SOCS5: variants seen among roughly 807,000 people sequenced by gnomAD.
SOCS5 encodes suppressor of cytokine signaling 5.
SOCS5 carries 32 observed loss-of-function variants against 42.8 expected under a neutral mutation model. That is an observed-to-expected ratio of 0.75 (90% CI 0.56 to 1.01). The LOEUF is 1.01. Ranked by LOEUF, SOCS5 falls within the 50% of genes least tolerant of loss-of-function variation. The pLI is 0.00. For synonymous variants in SOCS5, 283 were observed against 229.6 expected (o/e 1.23, Z -2.10); for missense variants, 627 against 653.0 (o/e 0.96, Z 0.43).
chr2:46,761,932 T>C lies in SOCS5; in HGVS notation c.*1791T>C, dbSNP rs557452740. On this transcript the variant is annotated 3_prime_UTR_variant, in exon 2 of 2. Transcript: ENST00000394861. ...GAAAGATTGAAACTATCCAATGACA[T>C]ATTATAGTAAATGAGTATCTGTAAC... 1.8e-5 allele frequency: 3 copies of C among 167,150 alleles called. No individual in the cohort carries two copies. Among genetic ancestry groups the C allele is most frequent in the South Asian group, 4.1e-4 (2 of 4,826 alleles). 10.4% of individuals were successfully genotyped at this position (167,150 alleles called of 1,614,324 possible).
At chr2:46,711,384 A>T (rs1402169778) in intron 1 of SOCS5, among the ~76,000 whole-genome samples, 1 of 152,174 alleles carries the variant, frequency 6.6e-6, no homozygotes, top group African/African-American at 2.4e-5. Context: ...TATCGATGTC[A>T]TGCATTTTGT....
rs146420722 is a variant in SOCS5, at chr2:46,741,154, T to A, written c.-12-17365T>A. ...TCATCTTTAAAAAGTTTTTAAAATATTTCATTATTCATTTCTTCTGCATTT... is the reference window on the plus strand; with the variant it reads ...TCATCTTTAAAAAGTTTTTAAAATAATTCATTATTCATTTCTTCTGCATTT... On this transcript the variant is annotated intron_variant, in intron 1 of 1. Transcript: ENST00000394861. Among the ~76,000 whole-genome samples, 406 of 152,328 alleles carry A rather than the reference T, an allele frequency of 2.7e-3. 4 individuals carry two copies. The highest frequency in any genetic ancestry group is 9.4e-3 in the African/African-American group (389 of 41,564).
At chr2:46,715,897 T>A (rs1322879797) in intron 1 of SOCS5, among the ~76,000 whole-genome samples, 1 of 152,156 alleles carries the variant, frequency 6.6e-6, no homozygotes, top group Non-Finnish European at 1.5e-5. Flanking sequence ...GTCTTTCTCC[T>A]ACAGACTCTA....
At chr2:46,734,228 T>A (rs11889273) in intron 1 of SOCS5, among the ~76,000 whole-genome samples, 17,434 of 152,164 alleles carry the variant, frequency 0.11, 1,110 homozygotes, top group Non-Finnish European at 0.14. Flanking sequence ...TACAAAAATA[T>A]TATACAGTCA....
At chr2:46,738,768 A>C (rs890432893) in intron 1 of SOCS5, among the ~76,000 whole-genome samples, 5 of 152,186 alleles carry the variant, frequency 3.3e-5, no homozygotes, top group African/African-American at 1.2e-4. Flanking sequence ...TTTTTTTCCC[A>C]TTAGCATCAT....
At chr2:46,705,349 G>T (rs577969732) in intron 1 of SOCS5, among the ~76,000 whole-genome samples, 1 of 152,176 alleles carries the variant, frequency 6.6e-6, no homozygotes, top group Non-Finnish European at 1.5e-5. Flanking sequence ...CTGTCTCTAG[G>T]TGTAGCTGGT....
At chr2:46,708,004 A>C (rs1006196479) in intron 1 of SOCS5, among the ~76,000 whole-genome samples, 3 of 152,244 alleles carry the variant, frequency 2.0e-5, no homozygotes, top group Non-Finnish European at 4.4e-5. Context: ...TACTGTACTG[A>C]AAATGAAAAA....
chr2:46,740,375 A>G (rs1294274160), intron 1 of SOCS5, among the ~76,000 whole-genome samples: 1 of 152,214 alleles, frequency 6.6e-6, no homozygotes, highest in Non-Finnish European at 1.5e-5. Flanking sequence ...GGTTAAAGAA[A>G]TACAGCTTTT....
Position 46,759,425 on chromosome 2 carries a change from C to T in SOCS5, c.895C>T (p.Leu299=), listed in dbSNP as rs754726731. 6 of 1,613,966 alleles carry T rather than the reference C, an allele frequency of 3.7e-6. No homozygotes were observed. The highest frequency in any genetic ancestry group is 5.1e-6 in the Non-Finnish European group (6 of 1,179,856). ...TGCACAGGTTAATCCATTATATAAA[C>T]TGGGACCAAAATTAGCTCCTGGAAT... is the stretch of plus-strand genomic sequence containing the variant. The part of the protein sequence containing the change: ...ATAQVNPLYK[L]GPKLAPGMTE... The change falls in exon 2 of 2, where the codon CTG becomes TTG. Residue 299 remains leucine, a synonymous_variant. Transcript: ENST00000394861.
At chr2:46,756,570 T>G (rs983860631) in intron 1 of SOCS5, among the ~76,000 whole-genome samples, 1 of 152,250 alleles carries the variant, frequency 6.6e-6, no homozygotes, top group Non-Finnish European at 1.5e-5. Context: ...ATATGTTACT[T>G]TTAAATTTTC....
Position 46,701,332 on chromosome 2 carries a change from A to G in SOCS5, c.-13+1883A>G, listed in dbSNP as rs907139523. Among the ~76,000 whole-genome samples the G allele has an allele frequency of 8.5e-5, 13 of 152,306 alleles. No individual in the cohort carries two copies. The East Asian group carries it at 2.5e-3, about 29-fold the overall frequency. On this transcript the variant is annotated intron_variant, in intron 1 of 1. Coordinates refer to ENST00000394861, the MANE Select transcript of SOCS5 (RefSeq NM_144949.3). ...GAAGTAGTAGTAATAGCTAAACAGA[A>G]TGAGAATGGGAGGCTTGGAAAAAAG...
At chr2:46,734,188 G>C (rs748307792) in intron 1 of SOCS5, among the ~76,000 whole-genome samples, 1 of 152,062 alleles carries the variant, frequency 6.6e-6, no homozygotes, top group African/African-American at 2.4e-5. Context: ...TAGGACACTG[G>C]TGGTTTTTTT....
At chr2:46,747,291 G>C (rs1673524359) in intron 1 of SOCS5, among the ~76,000 whole-genome samples, 1 of 152,078 alleles carries the variant, frequency 6.6e-6, no homozygotes, top group Non-Finnish European at 1.5e-5. Context: ...TGCAGTCACA[G>C]CTCACTGCAG....
chr2:46,744,216 T>C (rs1673448560), intron 1 of SOCS5, among the ~76,000 whole-genome samples: 1 of 152,112 alleles, frequency 6.6e-6, no homozygotes, highest in Non-Finnish European at 1.5e-5. Flanking sequence ...TTGTGAACTC[T>C]TGACCTCAAG....
Position 46,733,411 on chromosome 2 carries a change from A to G in SOCS5, c.-12-25108A>G, listed in dbSNP as rs1395820922. Among the ~76,000 whole-genome samples, 10 of 152,150 alleles carry G rather than the reference A, an allele frequency of 6.6e-5. No homozygotes were observed. In the East Asian group the frequency reaches 1.7e-3, roughly 27 times the overall value. ...TGCCCAGCCAGTCCCAGATTATTTTATAATAAAGAATAACTAGTTGGGTGT... is the reference window on the plus strand; with the variant it reads ...TGCCCAGCCAGTCCCAGATTATTTTGTAATAAAGAATAACTAGTTGGGTGT... On this transcript the variant is annotated intron_variant, in intron 1 of 1. Coordinates refer to ENST00000394861, the MANE Select transcript of SOCS5 (RefSeq NM_144949.3).
intron 1 of SOCS5, among the ~76,000 whole-genome samples, chr2:46,737,928 A>T (rs1021725932): frequency 2.6e-5 from 4 of 152,240 alleles, no homozygotes; most frequent in African/African-American, 9.6e-5. Flanking sequence ...AAGCAATATA[A>T]GACCATTTTT....
intron 1 of SOCS5, among the ~76,000 whole-genome samples, chr2:46,751,688 A>G (rs1673625512): frequency 1.3e-5 from 2 of 152,162 alleles, no homozygotes; most frequent in Non-Finnish European, 2.9e-5. Context: ...CATTTACTTA[A>G]TGCACTTAAG....
At chr2:46,712,549 G>A (rs1164333170) in intron 1 of SOCS5, among the ~76,000 whole-genome samples, 2 of 152,012 alleles carry the variant, frequency 1.3e-5, no homozygotes, top group Non-Finnish European at 2.9e-5. Context: ...TCACCATATT[G>A]GCCAGGCTGG....
intron 1 of SOCS5, among the ~76,000 whole-genome samples, chr2:46,742,209 G>GT (rs1212819238): frequency 6.6e-6 from 1 of 152,068 alleles, no homozygotes; most frequent in Non-Finnish European, 1.5e-5. Flanking sequence ...ATCCTTTGCT[G>GT]TTTTTTAATT....
Sources: allele counts gnomAD v4.1 joint callset (sites outside exome capture counted in the v4.1 genomes callset), GRCh38; gene constraint gnomAD v4.1.1; transcripts MANE v1.5; gene names NCBI Gene and HGNC (gene_info 2026-07-23, HGNC 2026-07-21).